Variants in ITSN1 observed in about 807,000 individuals in gnomAD.
ITSN1 encodes the protein intersectin 1, also known as intersectin-1.
ITSN1 carries 58 observed loss-of-function variants against 239.8 expected under a neutral mutation model. That is an observed-to-expected ratio of 0.24 (90% CI 0.20 to 0.30). ITSN1 has a LOEUF of 0.30. ITSN1 is among the 10% of genes least tolerant of loss of function. ITSN1 has a pLI of 1.00. For synonymous variants in ITSN1, 780 were observed against 770.8 expected (o/e 1.01, Z -0.20); for missense variants, 1,558 against 2,103.3 (o/e 0.74, Z 5.07).
At chr21:33,798,685 A>G (rs2071749347) in intron 18 of ITSN1, among the ~76,000 whole-genome samples, 1 of 152,164 alleles carries the variant, frequency 6.6e-6, no homozygotes, top group Non-Finnish European at 1.5e-5. Flanking sequence ...AAAAGAAAGA[A>G]AAAACACTTT....
chr21:33,797,563 C>G lies in ITSN1; in HGVS notation c.2137C>G (p.Gln713Glu). The stretch of plus-strand genomic sequence containing the variant: ...GCTGGGTCGGCTTTTCCATCAACAC[C>G]AAGAACCAGCTAAGCCAGCTGTCCA... ...DKLGRLFHQH[Q>E]EPAKPAVQAP... Residue 713 changes from glutamine (Q) to glutamate (E), a missense_variant, in exon 18 of 40, where the codon CAA becomes GAA. By Grantham distance (29) the Gln-to-Glu change is conservative. Around this residue, in one of 2 missense-constraint regions of ITSN1, gnomAD observed 982 missense variants for 1,209.9 expected, o/e 0.81. Transcript: ENST00000381318. The surrounding 1 kb of genome is among the most constrained non-coding windows in gnomAD (Gnocchi z 4.9). The G allele has an allele frequency of 6.2e-7, 1 of 1,614,004 alleles. No individual in the cohort carries two copies. The highest frequency in any genetic ancestry group is 8.5e-7 in the Non-Finnish European group (1 of 1,179,938).
chr21:33,815,114 C>T (rs539971746), intron 22 of ITSN1, among the ~76,000 whole-genome samples: 4 of 151,946 alleles, frequency 2.6e-5, no homozygotes, highest in Non-Finnish European at 4.4e-5. Flanking sequence ...GGCAGGCTGT[C>T]GGAATATAGA....
chr21:33,664,488 AC>A (rs1444151538), intron 1 of ITSN1, among the ~76,000 whole-genome samples: 2 of 152,100 alleles, frequency 1.3e-5, no homozygotes, highest in Non-Finnish European at 2.9e-5. Context: ...CCACCCCATG[AC>A]CTGAAAACAC....
intron 31 of ITSN1, among the ~76,000 whole-genome samples, chr21:33,863,810 C>T (rs954265977): frequency 6.6e-6 from 1 of 152,202 alleles, no homozygotes; most frequent in African/African-American, 2.4e-5. Context: ...TGTCATCACC[C>T]TTGAGCACAT....
At chr21:33,650,881 TGTATTATAGGTA>T (rs2088457164) in intron 1 of ITSN1, among the ~76,000 whole-genome samples, 1 of 152,244 alleles carries the variant, frequency 6.6e-6, no homozygotes, top group Non-Finnish European at 1.5e-5. Flanking sequence ...AGAATAGATC[TGTATTATAGGTA>T]GCACTGCTTA....
intron 14 of ITSN1, among the ~76,000 whole-genome samples, chr21:33,778,894 T>G (rs966724334): frequency 2.6e-5 from 4 of 152,136 alleles, no homozygotes; most frequent in African/African-American, 9.7e-5. Flanking sequence ...ATTCTCTTAT[T>G]GTATGTAAGT....
chr21:33,800,275 CAAT>C (rs1422402252), intron 19 of ITSN1, among the ~76,000 whole-genome samples: 1 of 151,216 alleles, frequency 6.6e-6, no homozygotes, highest in Non-Finnish European at 1.5e-5. Flanking sequence ...GATGTATAGA[CAAT>C]ATATATACTA....
At chr21:33,700,162 C>T (rs1470341262) in intron 1 of ITSN1, among the ~76,000 whole-genome samples, 1 of 151,928 alleles carries the variant, frequency 6.6e-6, no homozygotes, top group East Asian at 1.9e-4. Flanking sequence ...CAGCTCACTG[C>T]AACCTAAACC....
At chr21:33,834,186 C>G in intron 27 of ITSN1, 121 bp from the exon 28 acceptor site, 1 of 682,918 alleles carries the variant, frequency 1.5e-6, no homozygotes, top group Non-Finnish European at 2.5e-6. Flanking sequence ...ATAGATTTTA[C>G]CGTTAATGTC....
chr21:33,700,885 G>A (rs750306610), intron 1 of ITSN1, among the ~76,000 whole-genome samples: 11 of 151,858 alleles, frequency 7.2e-5, no homozygotes, highest in Non-Finnish European at 1.6e-4. Context: ...GCCTATTTTG[G>A]TGTATTAGAA....
intron 20 of ITSN1, among the ~76,000 whole-genome samples, chr21:33,805,894 A>C (rs1476808459): frequency 6.8e-6 from 1 of 146,214 alleles, no homozygotes; most frequent in Non-Finnish European, 1.5e-5. Flanking sequence ...GGATGGTCTC[A>C]ATCTCCTGAC....
intron 27 of ITSN1, among the ~76,000 whole-genome samples, chr21:33,834,010 A>G (rs2074456916): frequency 6.6e-6 from 1 of 152,188 alleles, no homozygotes; most frequent in South Asian, 2.1e-4. Context: ...GCTGAGTGCT[A>G]GCATTACATG....
chr21:33,755,192 A>G, intron 7 of ITSN1, 105 bp from the exon 8 acceptor site: 1 of 534,388 alleles, frequency 1.9e-6, no homozygotes. Context: ...TATGAAAGTT[A>G]GAGATGATTA....
intron 2 of ITSN1, among the ~76,000 whole-genome samples, chr21:33,720,429 G>A (rs1050711294): frequency 6.6e-6 from 1 of 152,134 alleles, no homozygotes; most frequent in African/African-American, 2.4e-5. Context: ...TAGTCAATTT[G>A]AGGAGACCTA....
At chr21:33,796,369 T>A (rs1382006589) in intron 17 of ITSN1, among the ~76,000 whole-genome samples, 3 of 152,254 alleles carry the variant, frequency 2.0e-5, no homozygotes, top group Non-Finnish European at 4.4e-5. Flanking sequence ...TTAAAAATTG[T>A]AAATAAAATG....
rs1036020953 is a variant in ITSN1 at position 33,679,834 on chromosome 21, A to T, written c.-33+37121A>T. Among the ~76,000 whole-genome samples the T allele has an allele frequency of 2.0e-5, 3 of 149,232 alleles. No individual in the cohort carries two copies. The Admixed American group carries it at 2.0e-4, about 10-fold the overall frequency. Reference sequence around the variant, plus strand: ...TGCCTCAGCCTCCCAAGTAGCTGGGACTACAGGTGCCCGCCCCCACATCCA... The same window carrying T: ...TGCCTCAGCCTCCCAAGTAGCTGGGTCTACAGGTGCCCGCCCCCACATCCA... On this transcript the variant is annotated intron_variant, in intron 1 of 39. Coordinates refer to ENST00000381318, the MANE Select transcript of ITSN1 (RefSeq NM_003024.3).
rs1020834533 is a variant in ITSN1, at chr21:33,899,296, T to C, written c.*10996T>C. 52 of 152,218 alleles carry C rather than the reference T, an allele frequency of 3.4e-4. 2 individuals are homozygous for C. Among genetic ancestry groups the C allele is most frequent in the Admixed American group, 6.5e-5 (1 of 15,284 alleles). 9.4% of individuals were successfully genotyped at this position (152,218 alleles called of 1,614,324 possible). On this transcript the variant is annotated 3_prime_UTR_variant, in exon 40 of 40. Transcript: ENST00000381318. Reference sequence around the variant, plus strand: ...GTAATCCATCAGAACGTGAGCTCCTTGTGCTTCCAGTGACAAGCGGGCCAC... The same window carrying C: ...GTAATCCATCAGAACGTGAGCTCCTCGTGCTTCCAGTGACAAGCGGGCCAC...
chr21:33,792,520 CT>C (rs1020756553), intron 16 of ITSN1, among the ~76,000 whole-genome samples: 38 of 152,242 alleles, frequency 2.5e-4, no homozygotes, highest in African/African-American at 8.4e-4. Context: ...CATATTATTA[CT>C]GATTATTTAT....
intron 24 of ITSN1, 82 bp downstream of exon 24, chr21:33,819,405 T>C: frequency 3.1e-6 from 3 of 959,898 alleles, no homozygotes; most frequent in Non-Finnish European, 4.9e-6. Context: ...AATTTCATCT[T>C]AAGATAGACT....
Sources: allele counts gnomAD v4.1 joint callset (sites outside exome capture counted in the v4.1 genomes callset), GRCh38; gene constraint gnomAD v4.1.1; regional missense constraint gnomAD v4.1.1; non-coding constraint Gnocchi (gnomAD v3.1); transcripts MANE v1.5; gene names NCBI Gene and HGNC (gene_info 2026-07-23, HGNC 2026-07-21).